COG5: variants seen among roughly 807,000 people sequenced by gnomAD.
COG5 encodes the protein conserved oligomeric Golgi complex subunit 5.
COG5 carries 86 observed loss-of-function variants against 110.4 expected under a neutral mutation model. That is an observed-to-expected ratio of 0.78 (90% CI 0.65 to 0.93). The LOEUF is 0.93. Among genes scored for constraint, COG5 ranks in the 40% least tolerant of loss-of-function variants. The pLI is 0.00. For synonymous variants in COG5, 360 were observed against 334.6 expected (o/e 1.08, Z -0.83); for missense variants, 1,077 against 987.0 (o/e 1.09, Z -1.22).
intron 6 of COG5, among the ~76,000 whole-genome samples, chr7:107,525,363 A>G (rs1457525680): frequency 6.6e-6 from 1 of 152,130 alleles, no homozygotes; most frequent in East Asian, 1.9e-4. Flanking sequence ...GTGATGACAA[A>G]CATCCATAAT....
At chr7:107,298,789 T>C (rs1806988066) in intron 11 of COG5, among the ~76,000 whole-genome samples, 1 of 152,192 alleles carries the variant, frequency 6.6e-6, no homozygotes, top group African/African-American at 2.4e-5. Context: ...TTTGGTTCCA[T>C]TAAACCGGTC....
intron 7 of COG5, among the ~76,000 whole-genome samples, chr7:107,377,992 G>C (rs145987737): frequency 6.6e-6 from 1 of 152,184 alleles, no homozygotes; most frequent in African/African-American, 2.4e-5. Context: ...CTCCCAGCAG[G>C]GGTCGACAGA....
rs1214658898 is a variant in COG5, at chr7:107,410,104, T to C, written c.669+2398A>G. On this transcript the variant is annotated intron_variant, in intron 7 of 21. Coordinates refer to ENST00000297135, the MANE Select transcript of COG5 (RefSeq NM_006348.5). ...GGATAAATGTTGCATGGTCCACAGA[T>C]GGCATTTTGCTGTGCAGGAGTAGTA... Among the ~76,000 whole-genome samples, 3 of 152,326 alleles carry C rather than the reference T, an allele frequency of 2.0e-5. No individual in the cohort carries two copies. In the East Asian group the frequency reaches 5.8e-4, roughly 29 times the overall value.
intron 10 of COG5, among the ~76,000 whole-genome samples, chr7:107,342,966 C>T (rs1263890467): frequency 2.0e-5 from 3 of 152,156 alleles, no homozygotes; most frequent in Non-Finnish European, 4.4e-5. Context: ...GAGAATCAAC[C>T]TAGGTGCCCA....
At chr7:107,366,536 G>A (rs59998679) in intron 8 of COG5, among the ~76,000 whole-genome samples, 4,123 of 152,030 alleles carry the variant, frequency 0.027, 191 homozygotes, top group African/African-American at 0.093. Context: ...GACACACAGC[G>A]TTCAACTGAG....
At chr7:107,286,685 G>A (rs1038837991) in intron 12 of COG5, among the ~76,000 whole-genome samples, 7 of 152,136 alleles carry the variant, frequency 4.6e-5, no homozygotes, top group African/African-American at 7.2e-5. Flanking sequence ...ACCACTGGCC[G>A]TGACCTTTCT....
At chr7:107,311,445 C>G (rs567351069) in intron 11 of COG5, among the ~76,000 whole-genome samples, 2 of 116,320 alleles carry the variant, frequency 1.7e-5, no homozygotes, top group African/African-American at 3.3e-5. Context: ...AGACTGCGGA[C>G]TGCAGTGGCG....
chr7:107,296,136 T>C (rs1212230189), intron 12 of COG5, among the ~76,000 whole-genome samples: 2 of 151,620 alleles, frequency 1.3e-5, no homozygotes, highest in Non-Finnish European at 2.9e-5. Flanking sequence ...CCTTCCTTCC[T>C]TCCTTCTTTC....
chr7:107,516,323 G>T lies in COG5; in HGVS notation c.538+10914C>A, dbSNP rs931612218. On this transcript the variant is annotated intron_variant, in intron 6 of 21. Transcript: ENST00000297135. ...CCTATTTTTTAAGTGGGTTGTTGGA[G>T]TTCCTATTAAGTTTTGAGTCTTTTG... 1.7e-4 allele frequency among the ~76,000 whole-genome samples: 26 copies of T among 152,136 alleles called. 1 individual carries two copies. The highest frequency in any genetic ancestry group is 2.6e-4 in the Admixed American group (4 of 15,272).
rs1474423048 is a variant in COG5, at chr7:107,283,695, C to G, written c.1351G>C (p.Glu451Gln). 1.2e-6 allele frequency: 2 copies of G among 1,613,880 alleles called. No individual in the cohort carries two copies. Among genetic ancestry groups the G allele is most frequent in the South Asian group, 1.1e-5 (1 of 91,080 alleles). Residue 451 changes from glutamate (E) to glutamine (Q), a missense_variant, in exon 13 of 22, where the codon GAG becomes CAG. Coordinates refer to ENST00000297135, the MANE Select transcript of COG5 (RefSeq NM_006348.5). ...KALKDSLQPY[E>Q]AAYLSKSLSR... ...AAGGATTTTGATAGATAAGCAGCCT[C>G]ATAGGGTTGTAGTGAGTCTTTCAAA...
chr7:107,538,985 TTAAGTGA>T (rs1249648513), intron 5 of COG5, among the ~76,000 whole-genome samples: 2 of 152,102 alleles, frequency 1.3e-5, no homozygotes, highest in African/African-American at 4.8e-5. Context: ...TCTTTTGACT[TTAAGTGA>T]AAACAATGGA....
chr7:107,216,068 T>C (rs1799506226), intron 19 of COG5, among the ~76,000 whole-genome samples: 1 of 152,064 alleles, frequency 6.6e-6, no homozygotes. Flanking sequence ...AAGAAAGATA[T>C]TCCATGCAAA....
chr7:107,555,939 G>A (rs754546757), intron 2 of COG5, among the ~76,000 whole-genome samples: 3 of 151,848 alleles, frequency 2.0e-5, no homozygotes, highest in African/African-American at 4.8e-5. Flanking sequence ...ATTTGAACCC[G>A]GGAGGCAGAG....
rs542634964 is a variant in COG5 at position 107,339,173 on chromosome 7, T to C, written c.1027-14652A>G. Among the ~76,000 whole-genome samples, 124 of 151,972 alleles carry C rather than the reference T, an allele frequency of 8.2e-4. 1 individual carries two copies. The highest frequency in any genetic ancestry group is 2.2e-3 in the African/African-American group (90 of 41,498). ...ACACCTATCAGCTCAAAGTAAAGGG[T>C]TGGAGAAAGATCACACAAATGGAAA... On this transcript the variant is annotated intron_variant, in intron 10 of 21. Transcript: ENST00000297135.
At chr7:107,523,623 T>G (rs540894129) in intron 6 of COG5, among the ~76,000 whole-genome samples, 2 of 152,236 alleles carry the variant, frequency 1.3e-5, no homozygotes, top group Admixed American at 6.5e-5. Context: ...AAGACCAGCC[T>G]GGTCAACATG....
At chr7:107,331,535 A>C (rs774450282) in intron 10 of COG5, among the ~76,000 whole-genome samples, 1 of 152,146 alleles carries the variant, frequency 6.6e-6, no homozygotes, top group Non-Finnish European at 1.5e-5. Context: ...GGGTGTTATC[A>C]AGTCTACAGG....
chr7:107,443,190 C>G (rs4727678), intron 6 of COG5, among the ~76,000 whole-genome samples: 31,270 of 151,892 alleles, frequency 0.21, 3,444 homozygotes, highest in East Asian at 0.33. Context: ...GAATGAAGAA[C>G]TGACACATGC....
chr7:107,502,909 GTTCT>G (rs1798724631), intron 6 of COG5, among the ~76,000 whole-genome samples: 1 of 150,848 alleles, frequency 6.6e-6, no homozygotes, highest in Non-Finnish European at 1.5e-5. Flanking sequence ...CTGAATACTA[GTTCT>G]TTGTCACATG....
chr7:107,291,528 T>C (rs866408394), intron 12 of COG5, among the ~76,000 whole-genome samples: 1 of 152,252 alleles, frequency 6.6e-6, no homozygotes, highest in South Asian at 2.1e-4. Context: ...AAATCTCTGA[T>C]GTTCCTCAGC....
Sources: gnomAD v4.1 joint callset for allele counts (sites outside exome capture counted in the v4.1 genomes callset) on GRCh38, gnomAD v4.1.1 for gene constraint, MANE v1.5 for transcripts, NCBI Gene and HGNC (gene_info 2026-07-23, HGNC 2026-07-21) for gene names.